Variants in ELMO1 observed in about 807,000 individuals in gnomAD.
ELMO1 encodes engulfment and cell motility 1, also known as engulfment and cell motility protein 1.
ELMO1 carries 26 observed loss-of-function variants against 98.9 expected under a neutral mutation model. That is an observed-to-expected ratio of 0.26 (90% CI 0.19 to 0.36). ELMO1 has a LOEUF of 0.36. Ranked by LOEUF, ELMO1 falls within the 10% of genes least tolerant of loss-of-function variation. The pLI, the probability that ELMO1 is intolerant of heterozygous loss-of-function variation, is 1.00. For missense variants in ELMO1, 627 were observed against 935.2 expected (o/e 0.67, Z 4.30); for synonymous variants, 346 against 346.0 (o/e 1.00, Z 0.00).
intron 16 of ELMO1, among the ~76,000 whole-genome samples, chr7:36,967,609 G>GGAAA (rs1414741371): frequency 6.6e-6 from 1 of 152,146 alleles, no homozygotes; most frequent in East Asian, 1.9e-4. Flanking sequence ...GACAGAGAAA[G>GGAAA]GAAAGAGCAA....
At chr7:36,943,390 C>T (rs115020967) in intron 16 of ELMO1, among the ~76,000 whole-genome samples, 117 of 152,314 alleles carry the variant, frequency 7.7e-4, no homozygotes, top group African/African-American at 2.7e-3. Flanking sequence ...AGCTGCCACA[C>T]TCATCCTAAC....
At chr7:37,296,628 T>TGG (rs775957769) in intron 4 of ELMO1, among the ~76,000 whole-genome samples, 16 of 146,002 alleles carry the variant, frequency 1.1e-4, no homozygotes, top group Non-Finnish European at 2.1e-4. Context: ...ACTAGGGGTG[T>TGG]GGGAATCTTG....
At chr7:37,276,412 T>C (rs1796835515) in intron 4 of ELMO1, among the ~76,000 whole-genome samples, 1 of 151,924 alleles carries the variant, frequency 6.6e-6, no homozygotes, top group African/African-American at 2.4e-5. Flanking sequence ...ATCGAGACCA[T>C]CCTGGCTAAC....
chr7:36,996,283 T>C (rs1389898422), intron 16 of ELMO1, among the ~76,000 whole-genome samples: 5 of 152,224 alleles, frequency 3.3e-5, no homozygotes, highest in Admixed American at 3.3e-4. Flanking sequence ...GTTTGTTCTG[T>C]AGATTGCAAA....
intron 17 of ELMO1, among the ~76,000 whole-genome samples, chr7:36,893,318 T>C (rs914645111): frequency 1.3e-4 from 20 of 152,174 alleles, no homozygotes; most frequent in African/African-American, 4.8e-4. Context: ...AGCCAGTCAC[T>C]TATCCAAAGT....
intron 14 of ELMO1, among the ~76,000 whole-genome samples, chr7:37,132,080 C>T (rs1421845366): frequency 6.6e-5 from 10 of 151,978 alleles, no homozygotes; most frequent in Non-Finnish European, 1.5e-4. Flanking sequence ...AAATACTGTC[C>T]CAGCTAAGAA....
intron 1 of ELMO1, among the ~76,000 whole-genome samples, chr7:37,437,965 G>T (rs2131581603): frequency 7.6e-6 from 1 of 131,162 alleles, no homozygotes; most frequent in African/African-American, 3.1e-5. Flanking sequence ...GGGCGACAGA[G>T]CGAGACTCCG....
At chr7:37,361,754 T>C (rs1263391722) in intron 1 of ELMO1, among the ~76,000 whole-genome samples, 1 of 152,036 alleles carries the variant, frequency 6.6e-6, no homozygotes, top group Non-Finnish European at 1.5e-5. Flanking sequence ...AGCTCAGGAG[T>C]TCGAGACCAG....
intron 11 of ELMO1, 29 bp downstream of exon 11, chr7:37,216,615 AC>A: frequency 1.2e-6 from 2 of 1,613,492 alleles, no homozygotes; most frequent in Non-Finnish European, 1.7e-6. Flanking sequence ...CTCCTCCCCC[AC>A]AAAGAGGTCA....
intron 15 of ELMO1, among the ~76,000 whole-genome samples, chr7:37,032,225 G>A (rs1367401721): frequency 1.3e-5 from 2 of 152,100 alleles, no homozygotes; most frequent in African/African-American, 2.4e-5. Context: ...CATTACCCAT[G>A]TTTTGCAGGC....
intron 4 of ELMO1, among the ~76,000 whole-genome samples, chr7:37,307,539 G>A (rs1035673057): frequency 1.6e-4 from 25 of 152,178 alleles, no homozygotes; most frequent in African/African-American, 5.3e-4. Flanking sequence ...AGCAGCATGA[G>A]AAAGGACAGG....
At position 37,371,353 on chromosome 7, in the gene ELMO1, T is replaced by C. The variant is rs1802108499; in HGVS notation, c.-73-28590A>G. Among the ~76,000 whole-genome samples, 4 of 152,364 alleles carry C rather than the reference T, an allele frequency of 2.6e-5. No individual in the cohort carries two copies. In the South Asian group the frequency reaches 8.3e-4, roughly 32 times the overall value. On this transcript the variant is annotated intron_variant, in intron 1 of 21. Coordinates refer to ENST00000310758, the MANE Select transcript of ELMO1 (RefSeq NM_014800.11). ...TTTCTTAGGCTGCATGATGGGTACA[T>C]GGATCTTCATCTTATAATTCTTCAC...
At chr7:37,448,170 C>A (rs1345266317) in intron 1 of ELMO1, among the ~76,000 whole-genome samples, 1 of 151,832 alleles carries the variant, frequency 6.6e-6, no homozygotes, top group Non-Finnish European at 1.5e-5. Flanking sequence ...TCCCTCCCAT[C>A]CCCGAGTGCA....
intron 7 of ELMO1, among the ~76,000 whole-genome samples, chr7:37,234,604 G>A (rs1046861945): frequency 6.6e-6 from 1 of 152,164 alleles, no homozygotes; most frequent in African/African-American, 2.4e-5. Context: ...GACAGCAGGG[G>A]TTCTCCCTTC....
chr7:37,224,633 G>A (rs1313745406), intron 9 of ELMO1, among the ~76,000 whole-genome samples: 1 of 152,126 alleles, frequency 6.6e-6, no homozygotes, highest in East Asian at 1.9e-4. Flanking sequence ...AAAACTGAGA[G>A]CTTACCAAGG....
intron 13 of ELMO1, among the ~76,000 whole-genome samples, chr7:37,202,074 C>A (rs757272495): frequency 1.3e-5 from 2 of 152,202 alleles, no homozygotes; most frequent in Non-Finnish European, 2.9e-5. Context: ...AGCTTCCCTG[C>A]AGAGCACCCC....
chr7:37,209,816 C>A (rs1187252271), intron 13 of ELMO1, among the ~76,000 whole-genome samples: 2 of 152,114 alleles, frequency 1.3e-5, no homozygotes, highest in Admixed American at 1.3e-4. Flanking sequence ...GGAAACTCAC[C>A]CGCTCCACCA....
chr7:37,372,131 T>C (rs1039479588), intron 1 of ELMO1, among the ~76,000 whole-genome samples: 8 of 146,818 alleles, frequency 5.4e-5, no homozygotes, highest in African/African-American at 2.0e-4. Context: ...CAGTTTCAGT[T>C]AAAAAAAAAA....
intron 2 of ELMO1, among the ~76,000 whole-genome samples, chr7:37,322,919 G>A (rs1308446392): frequency 3.3e-5 from 5 of 152,068 alleles, no homozygotes; most frequent in Non-Finnish European, 7.4e-5. Context: ...CTTTTTGTTT[G>A]GATGATCAAA....
Sources: allele counts gnomAD v4.1 joint callset (sites outside exome capture counted in the v4.1 genomes callset), GRCh38; gene constraint gnomAD v4.1.1; transcripts MANE v1.5; gene names NCBI Gene and HGNC (gene_info 2026-07-23, HGNC 2026-07-21).